The following AP1G1 variants were observed in gnomAD, a reference collection of about 807,000 sequenced individuals.
AP1G1 encodes AP-1 complex subunit gamma-1.
Under a neutral mutation model 108.3 loss-of-function variants are expected in AP1G1, and 7 were observed. The observed-to-expected ratio is 0.06, with a 90% CI of 0.04 to 0.12. The LOEUF is 0.12. Ranked by LOEUF, AP1G1 falls within the 10% of genes least tolerant of loss-of-function variation. The probability of loss-of-function intolerance (pLI) is 1.00; values close to 1 mark genes in which losing one functional copy is unlikely to be tolerated. For missense variants in AP1G1, 756 were observed against 1,010.7 expected (o/e 0.75, Z 3.42); for synonymous variants, 379 against 353.5 (o/e 1.07, Z -0.81).
intron 1 of AP1G1, among the ~76,000 whole-genome samples, chr16:71,793,691 T>G (rs559149924): frequency 2.0e-5 from 3 of 152,334 alleles, no homozygotes; most frequent in African/African-American, 7.2e-5. Flanking sequence ...TGTTGTTTTT[T>G]GCTTTCTTTT....
chr16:71,745,057 C>T (rs944124700), intron 19 of AP1G1, 87 bp downstream of exon 19: 31 of 1,457,022 alleles, frequency 2.1e-5, no homozygotes, highest in Admixed American at 6.0e-5. Context: ...TCAAATGATT[C>T]ACGTGCTGGA....
In AP1G1 at chr16:71,732,943, C is replaced by G; in HGVS notation, c.*115G>C. On this transcript the variant is annotated 3_prime_UTR_variant, in exon 23 of 23. Transcript: ENST00000299980. ...TTTAGGAAAATCCTCCTCAGCAGTTCTCTTCAGCTCCTCATGCCCGTGGTA... is the reference window on the plus strand; with the variant it reads ...TTTAGGAAAATCCTCCTCAGCAGTTGTCTTCAGCTCCTCATGCCCGTGGTA... The G allele has an allele frequency of 1.3e-6, 1 of 756,872 alleles. No homozygotes were observed. Among genetic ancestry groups the G allele is most frequent in the South Asian group, 1.8e-5 (1 of 55,290 alleles). The allele number at this position is 756,872 out of a possible 1,614,324, so 46.9% of individuals were successfully genotyped here. A position where few individuals can be genotyped will look rare whatever the true frequency, so the allele number is the denominator to read the frequency against.
At chr16:71,768,658 G>A (rs918288219) in intron 6 of AP1G1, among the ~76,000 whole-genome samples, 3 of 151,588 alleles carry the variant, frequency 2.0e-5, no homozygotes, top group Admixed American at 6.6e-5. Flanking sequence ...GCTCACGCCT[G>A]TAATCACAGC....
At chr16:71,799,855 C>T (rs1036001317) in intron 1 of AP1G1, among the ~76,000 whole-genome samples, 2 of 151,254 alleles carry the variant, frequency 1.3e-5, no homozygotes, top group East Asian at 3.9e-4. Context: ...GCCGAGACTG[C>T]GCCACTGCAC....
chr16:71,807,101 G>C (rs1162698483), intron 1 of AP1G1, among the ~76,000 whole-genome samples: 1 of 152,228 alleles, frequency 6.6e-6, no homozygotes, highest in African/African-American at 2.4e-5. Flanking sequence ...CGCCTAACTT[G>C]AAACGTAGGA....
chr16:71,743,858 C>T (rs1188231779), intron 19 of AP1G1, among the ~76,000 whole-genome samples: 2 of 146,992 alleles, frequency 1.4e-5, no homozygotes, highest in Non-Finnish European at 3.0e-5. Flanking sequence ...AGGCAGGAGA[C>T]CTGCTTGAAC....
At chr16:71,785,575 CAAAAAAAA>C (rs71389702) in intron 2 of AP1G1, among the ~76,000 whole-genome samples, 2 of 73,130 alleles carry the variant, frequency 2.7e-5, no homozygotes, top group Non-Finnish European at 2.6e-5. Flanking sequence ...AACCCTGCCT[CAAAAAAAA>C]AAAAAAAAAA....
chr16:71,777,106 CAAAAAAAAAAAAAAA>C (rs57955419), intron 2 of AP1G1, among the ~76,000 whole-genome samples: 9 of 48,066 alleles, frequency 1.9e-4, no homozygotes, highest in Admixed American at 3.7e-4. Flanking sequence ...CAAACTGTTA[CAAAAAAAAAAAAAAA>C]AAAAAAAAAA....
intron 1 of AP1G1, among the ~76,000 whole-genome samples, chr16:71,803,012 C>T (rs1023469240): frequency 6.6e-6 from 1 of 151,984 alleles, no homozygotes; most frequent in Non-Finnish European, 1.5e-5. Flanking sequence ...GTCAGGATTT[C>T]GAGACCAGCC....
chr16:71,729,030 A>G lies in AP1G1; in HGVS notation c.*4028T>C, dbSNP rs1355578380. 3 of 152,624 alleles carry G rather than the reference A, an allele frequency of 2.0e-5. No homozygotes were observed. The highest frequency in any genetic ancestry group is 4.4e-5 in the Non-Finnish European group (3 of 68,032). The allele number at this position is 152,624 out of a possible 1,614,324, so 9.5% of individuals were successfully genotyped here. On this transcript the variant is annotated 3_prime_UTR_variant, in exon 23 of 23. Transcript: ENST00000299980. Reference sequence around the variant, plus strand: ...AATCATTGGGTATTGACTTTTTATTATTAGTCACTGTTCATAATTTGTTTC... The same window carrying G: ...AATCATTGGGTATTGACTTTTTATTGTTAGTCACTGTTCATAATTTGTTTC...
At chr16:71,773,163 C>G in intron 4 of AP1G1, 58 bp downstream of exon 4, 1 of 1,574,920 alleles carries the variant, frequency 6.3e-7, no homozygotes, top group Non-Finnish European at 8.7e-7. Flanking sequence ...AGTAATCTGC[C>G]TTCTCATCTC....
At chr16:71,772,256 G>T (rs1324116152) in intron 4 of AP1G1, among the ~76,000 whole-genome samples, 2 of 151,890 alleles carry the variant, frequency 1.3e-5, no homozygotes, top group African/African-American at 4.8e-5. Context: ...TCAGCCTCCA[G>T]GTGAGGGACT....
At chr16:71,782,479 ATTATTATTATTT>A (rs560404555) in intron 2 of AP1G1, among the ~76,000 whole-genome samples, 119 of 150,086 alleles carry the variant, frequency 7.9e-4, no homozygotes, top group South Asian at 4.9e-3. Context: ...TATTATTATT[ATTATTATTATTT>A]TTATTATTAT....
intron 21 of AP1G1, among the ~76,000 whole-genome samples, chr16:71,735,948 T>C (rs555158022): frequency 6.7e-6 from 1 of 148,996 alleles, no homozygotes; most frequent in African/African-American, 2.5e-5. Context: ...CTGGTCAACA[T>C]GGCAAAACCC....
chr16:71,803,374 T>G (rs1054716814), intron 1 of AP1G1, among the ~76,000 whole-genome samples: 1 of 152,214 alleles, frequency 6.6e-6, no homozygotes, highest in East Asian at 1.9e-4. Flanking sequence ...TCCAATGGTC[T>G]GAGTAGGCTT....
rs1006350929 is a variant in AP1G1 at position 71,786,919 on chromosome 16, C to T, written c.201+2360G>A. On this transcript the variant is annotated intron_variant, in intron 2 of 22. Coordinates refer to ENST00000299980, the MANE Select transcript of AP1G1 (RefSeq NM_001128.6). ...CTCTATAAAAAATACAAAAATTAGC[C>T]GGGTGTGGTTCCCAGAAGGTCGAGG... 9.2e-5 allele frequency among the ~76,000 whole-genome samples: 14 copies of T among 151,904 alleles called. No homozygotes were observed. The East Asian group carries it at 1.2e-3, about 13-fold the overall frequency.
chr16:71,735,910 C>A (rs1388796353), intron 21 of AP1G1, among the ~76,000 whole-genome samples: 1 of 150,840 alleles, frequency 6.6e-6, no homozygotes, highest in African/African-American at 2.4e-5. Flanking sequence ...GCGGGCAGAT[C>A]ACCTGAGGTC....
At chr16:71,775,136 C>T (rs2145492729) in intron 2 of AP1G1, among the ~76,000 whole-genome samples, 1 of 149,564 alleles carries the variant, frequency 6.7e-6, no homozygotes, top group East Asian at 2.0e-4. Flanking sequence ...AAGCGATTCT[C>T]CTGCCTCAGC....
At chr16:71,766,058 A>G (rs2031299641) in intron 6 of AP1G1, among the ~76,000 whole-genome samples, 2 of 152,178 alleles carry the variant, frequency 1.3e-5, no homozygotes, top group Admixed American at 1.3e-4. Context: ...TCAAATAGAG[A>G]AAAAAATCTC....
Sources: gnomAD v4.1 joint callset for allele counts (sites outside exome capture counted in the v4.1 genomes callset) on GRCh38, gnomAD v4.1.1 for gene constraint, MANE v1.5 for transcripts, NCBI Gene and HGNC (gene_info 2026-07-23, HGNC 2026-07-21) for gene names.